Variants in FBLN5 observed in about 807,000 individuals in gnomAD.
FBLN5 encodes fibulin-5.
A neutral mutation model predicts 61.6 loss-of-function variants in FBLN5; 24 were observed. The ratio of observed to expected loss-of-function variants is 0.39; its 90% CI spans 0.28 to 0.55. FBLN5 has a LOEUF of 0.55. Ranked by LOEUF, FBLN5 falls within the 20% of genes least tolerant of loss-of-function variation. The probability of loss-of-function intolerance (pLI) is 0.65; values close to 1 mark genes in which losing one functional copy is unlikely to be tolerated. For missense variants in FBLN5, 470 were observed against 594.1 expected, an observed-to-expected ratio of 0.79 and a Z score of 2.17; for synonymous variants, 213 against 219.8, an observed-to-expected ratio of 0.97 and a Z score of 0.27.
chr14:91,933,095 G>C (rs1021525986), intron 4 of FBLN5, among the ~76,000 whole-genome samples: 1 of 152,184 alleles, frequency 6.6e-6, no homozygotes, highest in Non-Finnish European at 1.5e-5. Context: ...GATTTTGTTA[G>C]AGCCATGCTA....
chr14:91,906,273 C>T (rs867125767), intron 4 of FBLN5, among the ~76,000 whole-genome samples: 8 of 152,174 alleles, frequency 5.3e-5, no homozygotes, highest in African/African-American at 9.7e-5. Context: ...TCCAAAGCTT[C>T]CTGCTCCTCA....
chr14:91,870,170 T>C lies in FBLN5; in HGVS notation c.*54A>G. On this transcript the variant is annotated 3_prime_UTR_variant, in exon 11 of 11. Coordinates refer to ENST00000342058, the MANE Select transcript of FBLN5 (RefSeq NM_006329.4). ...TCATTCTCTCTGTTATTTCCTCTCTTCTCCTGTCCCTTGGTGCCAATGAGA... is the reference window on the plus strand; with the variant it reads ...TCATTCTCTCTGTTATTTCCTCTCTCCTCCTGTCCCTTGGTGCCAATGAGA... The C allele has an allele frequency of 1.3e-6, 2 of 1,552,368 alleles. No homozygotes were observed. The highest frequency in any genetic ancestry group is 1.8e-6 in the Non-Finnish European group (2 of 1,123,788).
At chr14:91,913,414 G>A (rs540777108) in intron 4 of FBLN5, among the ~76,000 whole-genome samples, 23 of 152,230 alleles carry the variant, frequency 1.5e-4, no homozygotes, top group South Asian at 1.5e-3. Flanking sequence ...AGGGAGAACC[G>A]TTACCTAAAT....
At chr14:91,929,026 C>A (rs11844281) in intron 4 of FBLN5, among the ~76,000 whole-genome samples, 44,483 of 150,942 alleles carry the variant, frequency 0.29, 7,283 homozygotes, top group Middle Eastern at 0.47. Flanking sequence ...CCACTGTACT[C>A]CAGCCTGGGC....
intron 4 of FBLN5, among the ~76,000 whole-genome samples, chr14:91,932,582 T>C (rs2055943077): frequency 6.6e-6 from 1 of 152,122 alleles, no homozygotes. Flanking sequence ...GTCTTACACT[T>C]TGAGAAGAAA....
At chr14:91,880,219 C>T (rs538008551) in intron 9 of FBLN5, among the ~76,000 whole-genome samples, 26 of 152,176 alleles carry the variant, frequency 1.7e-4, no homozygotes, top group Non-Finnish European at 3.4e-4. Flanking sequence ...CCTCAATATT[C>T]ACGGAGCAGT....
intron 4 of FBLN5, among the ~76,000 whole-genome samples, chr14:91,911,543 C>T (rs1428009861): frequency 6.6e-6 from 1 of 152,086 alleles, no homozygotes; most frequent in African/African-American, 2.4e-5. Flanking sequence ...GAGCCCACCT[C>T]CTAAAAGAAA....
rs966720213 is a variant in FBLN5 at position 91,943,546 on chromosome 14, G to A, written c.18-585C>T. On this transcript the variant is annotated intron_variant, in intron 1 of 10. Transcript: ENST00000342058. The surrounding 1 kb of genome is among the most constrained non-coding windows in gnomAD (Gnocchi z 4.0). ...CAAAAAAGCTAAAACCTCCCACTAT[G>A]GTATTAACCAGTTCCTTGGTCTTTA... Among the ~76,000 whole-genome samples, 2 of 151,682 alleles carry A rather than the reference G, an allele frequency of 1.3e-5. No individual in the cohort carries two copies. Among genetic ancestry groups the A allele is most frequent in the Non-Finnish European group, 2.9e-5 (2 of 67,946 alleles).
At chr14:91,877,349 G>A in intron 10 of FBLN5, 138 bp downstream of exon 10, 1 of 750,382 alleles carries the variant, frequency 1.3e-6, no homozygotes, top group Non-Finnish European at 2.4e-6. Context: ...CCAGGACCTT[G>A]AACCACACCC....
At chr14:91,902,763 T>C (rs1265199125) in intron 4 of FBLN5, among the ~76,000 whole-genome samples, 1 of 152,236 alleles carries the variant, frequency 6.6e-6, no homozygotes, top group Admixed American at 6.5e-5. Context: ...TCTGTATCCA[T>C]GCAGCCTGCT....
chr14:91,909,396 C>T (rs1216264984), intron 4 of FBLN5, among the ~76,000 whole-genome samples: 1 of 152,184 alleles, frequency 6.6e-6, no homozygotes, highest in Non-Finnish European at 1.5e-5. Flanking sequence ...CCCAGTCACT[C>T]ACCTCATAAC....
At position 91,870,283 on chromosome 14, in the gene FBLN5, T is replaced by C; in HGVS notation, c.1288A>G (p.Asn430Asp). ...LEMITVNTVI[N>D]FRGSSVIRLR... The stretch of plus-strand genomic sequence containing the variant: ...CGGATCACGGAGCTGCCTCTGAAGT[T>C]GATGACAGTGTTGACAGTGATCATT... Residue 430 changes from asparagine (N) to aspartate (D), a missense_variant, in exon 11 of 11, where the codon AAC becomes GAC. Asn to Asp is a conservative substitution (Grantham distance 23). Coordinates refer to ENST00000342058, the MANE Select transcript of FBLN5 (RefSeq NM_006329.4). 1 of 1,614,228 alleles carries C rather than the reference T, an allele frequency of 6.2e-7. No individual in the cohort carries two copies. The highest frequency in any genetic ancestry group is 1.3e-5 in the African/African-American group (1 of 75,068).
chr14:91,891,466 G>C (rs1889993785), intron 5 of FBLN5, 129 bp from the exon 6 acceptor site: 2 of 751,892 alleles, frequency 2.7e-6, no homozygotes, highest in Admixed American at 3.5e-5. Context: ...CAGGAGCCAA[G>C]ACAGTGCCTA....
chr14:91,876,782 C>T (rs1217841896), intron 10 of FBLN5, among the ~76,000 whole-genome samples: 1 of 152,198 alleles, frequency 6.6e-6, no homozygotes, highest in Admixed American at 6.5e-5. Flanking sequence ...AGACTCCTGG[C>T]TTCCAGAACT....
chr14:91,943,312 A>G lies in FBLN5; in HGVS notation c.18-351T>C, dbSNP rs2056135471. On this transcript the variant is annotated intron_variant, in intron 1 of 10. Transcript: ENST00000342058. The surrounding 1 kb of genome is among the most constrained non-coding windows in gnomAD (Gnocchi z 4.0). ...TTGCTTGAACCCAGGAGTTTGAGAC[A>G]AGCCTGGGCAACATGGTGAAACCCC... 6.6e-6 allele frequency among the ~76,000 whole-genome samples: 1 copy of G among 151,988 alleles called. No individual in the cohort carries two copies. The highest frequency in any genetic ancestry group is 2.1e-4 in the South Asian group (1 of 4,822).
At chr14:91,878,354 G>A (rs1889268687) in intron 9 of FBLN5, among the ~76,000 whole-genome samples, 1 of 152,150 alleles carries the variant, frequency 6.6e-6, no homozygotes, top group African/African-American at 2.4e-5. Flanking sequence ...TATTAACAGA[G>A]TGCCCTAATA....
At chr14:91,914,167 G>GCCCT (rs1443786447) in intron 4 of FBLN5, among the ~76,000 whole-genome samples, 12 of 151,884 alleles carry the variant, frequency 7.9e-5, no homozygotes, top group African/African-American at 2.9e-4. Context: ...ACATGGCGAG[G>GCCCT]CCCTGCCTCT....
intron 6 of FBLN5, among the ~76,000 whole-genome samples, chr14:91,889,773 C>T (rs780542964): frequency 6.6e-6 from 1 of 152,222 alleles, no homozygotes; most frequent in Non-Finnish European, 1.5e-5. Context: ...GGCTGAGTGC[C>T]CATACCCAGG....
At chr14:91,930,459 G>C (rs965255275) in intron 4 of FBLN5, among the ~76,000 whole-genome samples, 3 of 152,132 alleles carry the variant, frequency 2.0e-5, no homozygotes, top group Non-Finnish European at 4.4e-5. Context: ...ACCTCAATGC[G>C]ATCCCATTTC....
Sources: gnomAD v4.1 joint callset for allele counts (sites outside exome capture counted in the v4.1 genomes callset) on GRCh38, gnomAD v4.1.1 for gene constraint, Gnocchi (gnomAD v3.1) non-coding constraint, MANE v1.5 for transcripts, NCBI Gene and HGNC (gene_info 2026-07-23, HGNC 2026-07-21) for gene names.